Variants in MAP2K2 observed in about 807,000 individuals in gnomAD.
MAP2K2 encodes mitogen-activated protein kinase kinase 2.
In MAP2K2, 24 loss-of-function variants were observed where a neutral mutation model predicts 43.7. The observed-to-expected ratio is 0.55, with a 90% CI of 0.40 to 0.77. The LOEUF is 0.77. MAP2K2 is among the 30% of genes least tolerant of loss of function. The pLI is 0.00. For synonymous variants in MAP2K2, 244 were observed against 239.7 expected (o/e 1.02, Z -0.17); for missense variants, 470 against 566.8 (o/e 0.83, Z 1.73).
Position 4,101,508 on chromosome 19 carries a change from A to G in MAP2K2, c.529-228T>C, listed in dbSNP as rs2041011742. 6.6e-6 allele frequency among the ~76,000 whole-genome samples: 1 copy of G among 152,164 alleles called. No individual in the cohort carries two copies. Among genetic ancestry groups the G allele is most frequent in the Admixed American group, 6.5e-5 (1 of 15,282 alleles). ...AGTCAACCCCGGTTCCCATGGCCGC[A>G]GTGCCGCCGATGCCACTACTGCCTT... is the stretch of plus-strand genomic sequence containing the variant. On this transcript the variant is annotated intron_variant, in intron 4 of 10. Coordinates refer to ENST00000262948, the MANE Select transcript of MAP2K2 (RefSeq NM_030662.4). This position sits in a 1 kb window ranked among gnomAD's most constrained non-coding sequence, Gnocchi z 6.3.
At chr19:4,102,552 G>T (rs2041029720) in intron 3 of MAP2K2, 99 bp from the exon 4 acceptor site, 3 of 1,037,432 alleles carry the variant, frequency 2.9e-6, no homozygotes, top group East Asian at 2.6e-5. Flanking sequence ...TCTGCCTCCT[G>T]ACGGGAAGCA....
At chr19:4,103,320 C>T (rs2041041218) in intron 3 of MAP2K2, 5 of 948,222 alleles carry the variant, frequency 5.3e-6, no homozygotes, top group Non-Finnish European at 6.3e-6. Context: ...TGCCTGGCAA[C>T]AAACCTGGGG....
chr19:4,090,868 G>A (rs2040848546), intron 10 of MAP2K2, among the ~76,000 whole-genome samples, 160 bp from the exon 11 acceptor site: 1 of 152,192 alleles, frequency 6.6e-6, no homozygotes, highest in South Asian at 2.1e-4. Context: ...GTAGGAGAGG[G>A]AAAGAAACCC....
chr19:4,123,392 A>G (rs2041325213), intron 1 of MAP2K2, among the ~76,000 whole-genome samples: 1 of 151,046 alleles, frequency 6.6e-6, no homozygotes, highest in Non-Finnish European at 1.5e-5. Flanking sequence ...TCTTAGAGAC[A>G]TCCTTCACCC....
At chr19:4,097,399 G>A in intron 7 of MAP2K2, 56 bp from the exon 8 acceptor site, 2 of 1,406,180 alleles carry the variant, frequency 1.4e-6, no homozygotes, top group Non-Finnish European at 2.0e-6. Flanking sequence ...CACTTCTGCT[G>A]GGGGTTGGGC....
At chr19:4,099,158 G>A (rs1438887760) in intron 7 of MAP2K2, 43 bp downstream of exon 7, 3 of 1,518,522 alleles carry the variant, frequency 2.0e-6, no homozygotes, top group African/African-American at 1.4e-5. Flanking sequence ...CCCCGCGCAG[G>A]GCACTGCGCG....
intron 3 of MAP2K2, among the ~76,000 whole-genome samples, chr19:4,107,592 G>A (rs930628367): frequency 2.0e-5 from 3 of 150,400 alleles, no homozygotes; most frequent in Admixed American, 6.7e-5. Flanking sequence ...CTGTAGTCCC[G>A]GCTACCTGGA....
chr19:4,099,189 T>C lies in MAP2K2; in HGVS notation c.919+12A>G, dbSNP rs350911. 1,163,033 of 1,590,206 alleles carry C rather than the reference T, an allele frequency of 0.73. 427,013 individuals are homozygous for C. Among genetic ancestry groups the C allele is most frequent in the East Asian group, 0.94 (41,167 of 44,024 alleles). ...GCGCGTCCAGACCGGAAGTTGCAGA[T>C]TCAGGCCGTACCGCTGACGGGGCGC... On this transcript the variant is annotated intron_variant, in intron 7 of 10. Transcript: ENST00000262948.
At chr19:4,116,232 C>G (rs1361473659) in intron 2 of MAP2K2, among the ~76,000 whole-genome samples, 5 of 152,212 alleles carry the variant, frequency 3.3e-5, no homozygotes, top group Admixed American at 6.5e-5. Flanking sequence ...CAGCTGAAGG[C>G]CTTCAGGGAA....
intron 1 of MAP2K2, among the ~76,000 whole-genome samples, chr19:4,120,862 A>G (rs1280324694): frequency 1.4e-5 from 2 of 145,424 alleles, no homozygotes; most frequent in Non-Finnish European, 3.1e-5. Context: ...TTCTGTGCAG[A>G]GAATGAGGAA....
chr19:4,099,549 C>G, intron 6 of MAP2K2, 135 bp from the exon 7 acceptor site: 1 of 732,286 alleles, frequency 1.4e-6, no homozygotes, highest in Non-Finnish European at 2.3e-6. Context: ...AGCTGTTACG[C>G]AATTCTACCT....
In MAP2K2 at chr19:4,123,805, G is replaced by T. The variant is rs1420256288; in HGVS notation, c.71C>A (p.Pro24His). ...INPTIAEGPSPTSEGASEANL... is the reference protein window; with the variant it reads ...INPTIAEGPSHTSEGASEANL... The stretch of plus-strand genomic sequence containing the variant: ...TCACTCGGAGGCGCCCTCGCTGGTA[G>T]GGGATGGGCCCTCGGCGATGGTAGG... Residue 24 changes from proline (P) to histidine (H), a missense_variant, in exon 1 of 11, where the codon CCT (proline) becomes CAT (histidine). This residue lies in a region of MAP2K2 where 58 missense variants were observed against 48.0 expected (regional missense o/e 1.21). Transcript: ENST00000262948. 6.4e-7 allele frequency: 1 copy of T among 1,566,240 alleles called. No homozygotes were observed.
At chr19:4,109,703 T>C (rs955947443) in intron 3 of MAP2K2, among the ~76,000 whole-genome samples, 1 of 152,134 alleles carries the variant, frequency 6.6e-6, no homozygotes, top group Non-Finnish European at 1.5e-5. Flanking sequence ...ATCGAACTCC[T>C]GGGCTTAAAT....
At chr19:4,109,977 G>T (rs1357701712) in intron 3 of MAP2K2, among the ~76,000 whole-genome samples, 1 of 152,056 alleles carries the variant, frequency 6.6e-6, no homozygotes, top group Non-Finnish European at 1.5e-5. Flanking sequence ...AAGAGAAAAA[G>T]CAAAGCTGGG....
At chr19:4,093,451 G>A (rs2040874168) in intron 10 of MAP2K2, among the ~76,000 whole-genome samples, 2 of 152,202 alleles carry the variant, frequency 1.3e-5, no homozygotes, top group South Asian at 4.1e-4. Flanking sequence ...TGCACTTTGG[G>A]AGGCTGAGGC....
At position 4,101,423 on chromosome 19, in the gene MAP2K2, G is replaced by A. The variant is rs1445028764; in HGVS notation, c.529-143C>T. The A allele has an allele frequency of 1.1e-6, 1 of 908,410 alleles. No homozygotes were observed. 56.3% of individuals were successfully genotyped at this position (908,410 alleles called of 1,614,324 possible). On this transcript the variant is annotated intron_variant, in intron 4 of 10. Transcript: ENST00000262948. This position sits in a 1 kb window ranked among gnomAD's most constrained non-coding sequence, Gnocchi z 6.3. ...ATTTCAGGCTGTGAGGAGCTCGCTG[G>A]GGTGGAGCAAGCGAGGCCAGAGACG...
intron 2 of MAP2K2, among the ~76,000 whole-genome samples, chr19:4,113,964 C>A (rs1199353098): frequency 6.6e-6 from 1 of 152,228 alleles, no homozygotes; most frequent in Non-Finnish European, 1.5e-5. Flanking sequence ...GCAGCCCACA[C>A]TGCGCTTCCA....
At chr19:4,103,209 AG>A in intron 3 of MAP2K2, 1 of 986,922 alleles carries the variant, frequency 1.0e-6, no homozygotes, top group Non-Finnish European at 1.2e-6. Context: ...CATCCTGCGG[AG>A]GGCCTGGAAA....
In MAP2K2 at chr19:4,124,075, C is replaced by T. The variant is rs1040785123; in HGVS notation, c.-200G>A. 5.6e-5 allele frequency: 12 copies of T among 212,438 alleles called. No individual in the cohort carries two copies. The highest frequency in any genetic ancestry group is 2.5e-4 in the African/African-American group (11 of 44,022). 13.2% of individuals were successfully genotyped at this position (212,438 alleles called of 1,614,324 possible). The stretch of plus-strand genomic sequence containing the variant: ...GGGGCTGAGGCGAGCGAGCCGCTAC[C>T]GCTGCCGAGGCCCGAAGAAGGCTGA... On this transcript the variant is annotated 5_prime_UTR_variant, in exon 1 of 11. Coordinates refer to ENST00000262948, the MANE Select transcript of MAP2K2 (RefSeq NM_030662.4).
Sources: gnomAD v4.1 joint callset for allele counts (sites outside exome capture counted in the v4.1 genomes callset) on GRCh38, gnomAD v4.1.1 for gene constraint, gnomAD v4.1.1 regional missense constraint, Gnocchi (gnomAD v3.1) non-coding constraint, MANE v1.5 for transcripts, NCBI Gene and HGNC (gene_info 2026-07-23, HGNC 2026-07-21) for gene names.